EML1: variants seen among roughly 807,000 people sequenced by gnomAD.
EML1 encodes the protein echinoderm microtubule-associated protein-like 1.
A neutral mutation model predicts 110.4 loss-of-function variants in EML1; 27 were observed. That is an observed-to-expected ratio of 0.24 (90% CI 0.18 to 0.34). The LOEUF is 0.34. Ranked by LOEUF, EML1 falls within the 10% of genes least tolerant of loss-of-function variation. The pLI is 1.00. For missense variants in EML1, 741 were observed against 1,030.9 expected, an observed-to-expected ratio of 0.72 and a Z score of 3.85; for synonymous variants, 344 against 385.8, an observed-to-expected ratio of 0.89 and a Z score of 1.27.
rs1289007586 is a variant in EML1 at position 99,839,552 on chromosome 14, A to AT, written c.68-11295dup. 4.6e-5 allele frequency among the ~76,000 whole-genome samples: 7 copies of AT among 152,130 alleles called. No individual in the cohort carries two copies. In the East Asian group the frequency reaches 1.3e-3, roughly 29 times the overall value. ...GTTGCCTCTTAGGGTGATCTTGAGT[A>AT]TTTTTTCTCATCTCCATCACCACCA... is the stretch of plus-strand genomic sequence containing the variant. On this transcript the variant is annotated intron_variant, in intron 1 of 21. Transcript: ENST00000262233.
In EML1 at chr14:99,878,513, C is replaced by G; in HGVS notation, c.412C>G (p.Arg138Gly). The change falls in exon 4 of 22, where the codon CGA becomes GGA. Residue 138 changes from arginine to glycine, a missense_variant. Physicochemically the swap from Arg to Gly is moderately radical, Grantham distance 125. Around this residue, in one of 4 missense-constraint regions of EML1, gnomAD observed 226 missense variants for 255.6 expected, o/e 0.88. Transcript: ENST00000262233. Reference protein sequence around the residue: ...SNIKRTSSSERVSPGGRRESN... With the variant: ...SNIKRTSSSEGVSPGGRRESN... ...CATCAAGAGGACCAGCTCTTCTGAA[C>G]GAGTGTCTCCTGGGGGTCGAAGGGA... is the stretch of plus-strand genomic sequence containing the variant. 1 of 1,613,864 alleles carries G rather than the reference C, an allele frequency of 6.2e-7. No individual in the cohort carries two copies. The highest frequency in any genetic ancestry group is 1.1e-5 in the South Asian group (1 of 91,030).
At chr14:99,874,715 T>A (rs1004938575) in intron 3 of EML1, among the ~76,000 whole-genome samples, 61 of 152,366 alleles carry the variant, frequency 4.0e-4, no homozygotes, top group South Asian at 6.2e-4. Flanking sequence ...AAGATTTTTT[T>A]AAAAAGTTTA....
rs766580260 is a variant in EML1 at position 99,936,312 on chromosome 14, C to T, written c.2073C>T (p.Ser691=). 1.5e-5 allele frequency: 25 copies of T among 1,613,468 alleles called. No homozygotes were observed. The highest frequency in any genetic ancestry group is 1.5e-4 in the African/African-American group (11 of 74,872). Residue 691 remains serine, a synonymous_variant, in exon 19 of 22, where the codon TCC becomes TCT. Coordinates refer to ENST00000262233, the MANE Select transcript of EML1 (RefSeq NM_004434.3). The surrounding 1 kb of genome is among the most constrained non-coding windows in gnomAD (Gnocchi z 5.5). Reference sequence around the variant, plus strand: ...ACTCACAGTTCCTCGTGTCAAATTCCGGAGACTACGAAATCCTCTACTGTG... The same window carrying T: ...ACTCACAGTTCCTCGTGTCAAATTCTGGAGACTACGAAATCCTCTACTGTG... ...SVNSQFLVSN[S]GDYEILYWVP... is the part of the protein sequence containing the mutation.
At chr14:99,836,134 A>G (rs1223700393) in intron 1 of EML1, among the ~76,000 whole-genome samples, 1 of 152,252 alleles carries the variant, frequency 6.6e-6, no homozygotes, top group Admixed American at 6.5e-5. Flanking sequence ...AATTGGCATC[A>G]TAACAGTAAT....
At chr14:99,814,554 T>G (rs1365951739) in intron 1 of EML1, among the ~76,000 whole-genome samples, 1 of 152,242 alleles carries the variant, frequency 6.6e-6, no homozygotes, top group Admixed American at 6.5e-5. Flanking sequence ...CATGAGCCAC[T>G]GTGCCTGGCT....
chr14:99,793,476 C>T lies in EML1; in HGVS notation c.-1C>T. 1 of 1,050,552 alleles carries T rather than the reference C, an allele frequency of 9.5e-7. No homozygotes were observed. The highest frequency in any genetic ancestry group is 1.1e-6 in the Non-Finnish European group (1 of 869,618). 65.1% of individuals were successfully genotyped at this position (1,050,552 alleles called of 1,614,324 possible). A position where few individuals can be genotyped will look rare whatever the true frequency, so the allele number is the denominator to read the frequency against. On this transcript the variant is annotated 5_prime_UTR_variant, in exon 1 of 22. Coordinates refer to ENST00000262233, the MANE Select transcript of EML1 (RefSeq NM_004434.3). ...AGCGGGCGCGGCCCGGCGGCCTCAG[C>T]ATGGAGGACGGCTTCTCCAGCTACA...
chr14:99,762,096 G>A (rs961808967), intron 1 of EML1, among the ~76,000 whole-genome samples: 5 of 152,190 alleles, frequency 3.3e-5, no homozygotes, highest in Admixed American at 3.3e-4. Flanking sequence ...ACGTGGGCAC[G>A]GACAGGAAAG....
intron 4 of EML1, among the ~76,000 whole-genome samples, chr14:99,880,520 G>A (rs1222496844): frequency 6.6e-6 from 1 of 152,214 alleles, no homozygotes; most frequent in Non-Finnish European, 1.5e-5. Flanking sequence ...GGAAGGAAAG[G>A]AGTAGGGAGG....
chr14:99,789,763 C>T (rs550467955), upstream of EML1, among the ~76,000 whole-genome samples: 3 of 152,184 alleles, frequency 2.0e-5, no homozygotes, highest in Non-Finnish European at 4.4e-5. Flanking sequence ...CTTTTTCACA[C>T]GTTGTACAAA....
At chr14:99,812,052 A>G (rs1246774119) in intron 1 of EML1, among the ~76,000 whole-genome samples, 1 of 151,790 alleles carries the variant, frequency 6.6e-6, no homozygotes, top group East Asian at 1.9e-4. Flanking sequence ...CACAGTGTTC[A>G]AGAGTCACCC....
At chr14:99,777,475 A>G (rs1412232148) in intron 1 of EML1, among the ~76,000 whole-genome samples, 2 of 152,156 alleles carry the variant, frequency 1.3e-5, no homozygotes, top group Non-Finnish European at 2.9e-5. Context: ...GCTGCAGTGC[A>G]GTGGCATGAT....
chr14:99,810,216 A>C (rs917182704), intron 1 of EML1, among the ~76,000 whole-genome samples: 2 of 152,230 alleles, frequency 1.3e-5, no homozygotes, highest in Non-Finnish European at 2.9e-5. Flanking sequence ...CTACAGAGCC[A>C]GGCTGTACCA....
At chr14:99,802,502 T>C (rs1245327915) in intron 1 of EML1, among the ~76,000 whole-genome samples, 2 of 151,520 alleles carry the variant, frequency 1.3e-5, no homozygotes, top group Admixed American at 6.6e-5. Context: ...GGCGGGGTGT[T>C]GGGAGCAAGA....
upstream of EML1, among the ~76,000 whole-genome samples, chr14:99,789,976 T>G (rs2057645549): frequency 6.6e-6 from 1 of 152,234 alleles, no homozygotes; most frequent in African/African-American, 2.4e-5. Context: ...AAAGATCTTT[T>G]TTAATGCTGT....
In EML1 at chr14:99,761,565, G is replaced by A. The variant is rs948533171; in HGVS notation, c.28+23705G>A. Among the ~76,000 whole-genome samples the A allele has an allele frequency of 3.3e-5, 5 of 152,254 alleles. No homozygotes were observed. In the East Asian group the frequency reaches 9.7e-4, roughly 30 times the overall value. On this transcript the variant is annotated intron_variant, in intron 1 of 10. Coordinates refer to the EML1 transcript ENST00000554479. The stretch of plus-strand genomic sequence containing the variant: ...TTGTGGGTGACACCGAGCCTGGGGT[G>A]AGCAGATGGTGTGGGAGAATGCAGA...
chr14:99,918,807 C>A (rs1030844018), intron 16 of EML1, among the ~76,000 whole-genome samples: 1 of 152,010 alleles, frequency 6.6e-6, no homozygotes, highest in East Asian at 1.9e-4. Flanking sequence ...ACAGCGAGAC[C>A]CCATCTCTAA....
At chr14:99,806,002 A>G (rs2057966362) in intron 1 of EML1, among the ~76,000 whole-genome samples, 1 of 151,996 alleles carries the variant, frequency 6.6e-6, no homozygotes, top group Non-Finnish European at 1.5e-5. Flanking sequence ...CCAGCATTCG[A>G]CTTTCTTGTC....
At chr14:99,851,284 G>A (rs2058794360) in intron 2 of EML1, among the ~76,000 whole-genome samples, 1 of 152,064 alleles carries the variant, frequency 6.6e-6, no homozygotes, top group Non-Finnish European at 1.5e-5. Flanking sequence ...GTCAAGGAAG[G>A]AACAATCCAA....
At chr14:99,806,320 T>C (rs1378516052) in intron 1 of EML1, among the ~76,000 whole-genome samples, 1 of 144,146 alleles carries the variant, frequency 6.9e-6, no homozygotes, top group Non-Finnish European at 1.5e-5. Flanking sequence ...CAGAATCTTT[T>C]TTTTTTTTTT....
Sources: gnomAD v4.1 joint callset for allele counts (sites outside exome capture counted in the v4.1 genomes callset) on GRCh38, gnomAD v4.1.1 for gene constraint, gnomAD v4.1.1 regional missense constraint, Gnocchi (gnomAD v3.1) non-coding constraint, MANE v1.5 for transcripts, NCBI Gene and HGNC (gene_info 2026-07-23, HGNC 2026-07-21) for gene names.